Variants in CCSER1 observed in about 807,000 individuals in gnomAD.
CCSER1 encodes serine-rich coiled-coil domain-containing protein 1.
CCSER1 carries 41 observed loss-of-function variants against 82.0 expected under a neutral mutation model. The observed-to-expected ratio is 0.50, with a 90% confidence interval of 0.39 to 0.65. CCSER1 has a LOEUF of 0.65. CCSER1 is among the 30% of genes least tolerant of loss of function. The probability of loss-of-function intolerance (pLI) is 0.00; values close to 1 mark genes in which losing one functional copy is unlikely to be tolerated. For missense variants in CCSER1, 1,119 were observed against 1,064.2 expected, an observed-to-expected ratio of 1.05 and a Z score of -0.72; for synonymous variants, 414 against 383.9, an observed-to-expected ratio of 1.08 and a Z score of -0.92.
At chr4:91,502,106 G>GTGCTA (rs1427146153) in intron 10 of CCSER1, among the ~76,000 whole-genome samples, 4 of 152,200 alleles carry the variant, frequency 2.6e-5, no homozygotes, top group African/African-American at 9.7e-5. Context: ...GTATACAGGA[G>GTGCTA]TGCTAACTCC....
chr4:91,111,764 C>G (rs1163199609), intron 10 of CCSER1, among the ~76,000 whole-genome samples: 1 of 150,212 alleles, frequency 6.7e-6, no homozygotes, highest in Non-Finnish European at 1.5e-5. Context: ...CAACTGGGCT[C>G]TTTTCCCGGG....
chr4:91,432,617 T>A (rs960869000), intron 10 of CCSER1, among the ~76,000 whole-genome samples: 1 of 152,156 alleles, frequency 6.6e-6, no homozygotes, highest in African/African-American at 2.4e-5. Context: ...TATGTAGATT[T>A]ATTTGCACCT....
chr4:90,844,011 T>G (rs1762887348), intron 8 of CCSER1, among the ~76,000 whole-genome samples: 1 of 152,052 alleles, frequency 6.6e-6, no homozygotes, highest in African/African-American at 2.4e-5. Flanking sequence ...TGTCAAGCAC[T>G]CTATGACCTC....
At chr4:90,887,123 T>A (rs1722246943) in intron 8 of CCSER1, among the ~76,000 whole-genome samples, 1 of 152,182 alleles carries the variant, frequency 6.6e-6, no homozygotes, top group South Asian at 2.1e-4. Context: ...AGGTTTCTGG[T>A]TATGTGATAC....
intron 10 of CCSER1, among the ~76,000 whole-genome samples, chr4:91,200,954 G>A (rs1735859842): frequency 6.6e-6 from 1 of 151,686 alleles, no homozygotes; most frequent in African/African-American, 2.4e-5. Flanking sequence ...AAATCTCTCA[G>A]GTATTTAGAA....
chr4:90,400,219 C>T, intron 4 of CCSER1, 90 bp downstream of exon 4: 1 of 568,186 alleles, frequency 1.8e-6, no homozygotes, highest in African/African-American at 1.9e-5. Context: ...AGGCTGCCTT[C>T]TATCTTTTCA....
At chr4:91,192,405 C>A (rs1735076818) in intron 10 of CCSER1, among the ~76,000 whole-genome samples, 1 of 152,142 alleles carries the variant, frequency 6.6e-6, no homozygotes, top group Admixed American at 6.5e-5. Context: ...AAAGTCCTTG[C>A]AGGATAACTC....
chr4:90,280,445 C>T (rs1404684622), intron 1 of CCSER1, among the ~76,000 whole-genome samples: 1 of 151,570 alleles, frequency 6.6e-6, no homozygotes, highest in Non-Finnish European at 1.5e-5. Flanking sequence ...TCACTGAACC[C>T]AGAGATAAGC....
chr4:91,285,990 A>T (rs1448527730), intron 10 of CCSER1, among the ~76,000 whole-genome samples: 1 of 150,114 alleles, frequency 6.7e-6, no homozygotes, highest in African/African-American at 2.4e-5. Context: ...TTCCATTTCT[A>T]CCTACATCAC....
intron 10 of CCSER1, among the ~76,000 whole-genome samples, chr4:91,174,021 A>G (rs1036979105): frequency 6.6e-6 from 1 of 152,236 alleles, no homozygotes; most frequent in Admixed American, 6.5e-5. Flanking sequence ...AAGATAAATT[A>G]GAAGAATAAA....
chr4:90,685,998 T>C (rs1238635593), intron 6 of CCSER1, among the ~76,000 whole-genome samples: 2 of 152,132 alleles, frequency 1.3e-5, no homozygotes, highest in African/African-American at 4.8e-5. Flanking sequence ...TGAGTGGGTT[T>C]GGTGAGCTGG....
chr4:90,423,373 G>A (rs1355014734), intron 4 of CCSER1, among the ~76,000 whole-genome samples: 3 of 151,912 alleles, frequency 2.0e-5, no homozygotes, highest in African/African-American at 4.8e-5. Context: ...CTACAGGCGC[G>A]TGCCACCATG....
At chr4:90,300,487 G>A (rs753721890) in intron 1 of CCSER1, among the ~76,000 whole-genome samples, 1 of 152,062 alleles carries the variant, frequency 6.6e-6, no homozygotes, top group Non-Finnish European at 1.5e-5. Context: ...CTTAGTAAGT[G>A]GTAGTACTTG....
chr4:90,249,964 T>G (rs1025308242), intron 1 of CCSER1, among the ~76,000 whole-genome samples: 2 of 152,126 alleles, frequency 1.3e-5, no homozygotes, highest in Non-Finnish European at 1.5e-5. Context: ...TGCCTCATTG[T>G]GGGTTTGATT....
At chr4:91,054,191 G>C (rs138692852) in intron 9 of CCSER1, among the ~76,000 whole-genome samples, 3 of 152,082 alleles carry the variant, frequency 2.0e-5, no homozygotes, top group Non-Finnish European at 2.9e-5. Context: ...ACTGCCTCTG[G>C]AGCTGTCCGC....
intron 9 of CCSER1, among the ~76,000 whole-genome samples, chr4:91,033,265 A>G (rs886453564): frequency 2.0e-5 from 3 of 152,300 alleles, no homozygotes; most frequent in African/African-American, 4.8e-5. Flanking sequence ...CCCAGCGGGC[A>G]CAGTGTAATC....
At chr4:90,280,610 A>C (rs1214614234) in intron 1 of CCSER1, among the ~76,000 whole-genome samples, 1 of 151,968 alleles carries the variant, frequency 6.6e-6, no homozygotes, top group Non-Finnish European at 1.5e-5. Flanking sequence ...ATAACCAAGA[A>C]TGTGGAAAGT....
intron 1 of CCSER1, among the ~76,000 whole-genome samples, chr4:90,142,406 T>G (rs1724962138): frequency 6.6e-6 from 1 of 152,170 alleles, no homozygotes; most frequent in Admixed American, 6.5e-5. Context: ...TTAAGTACAG[T>G]CTGTTCTGCA....
At chr4:91,239,064 TC>T (rs1406002281) in intron 10 of CCSER1, among the ~76,000 whole-genome samples, 5 of 151,244 alleles carry the variant, frequency 3.3e-5, no homozygotes, top group African/African-American at 7.3e-5. Flanking sequence ...GACCACGTGA[TC>T]CCCCCCACCT....
Sources: gnomAD v4.1 joint callset for allele counts (sites outside exome capture counted in the v4.1 genomes callset) on GRCh38, gnomAD v4.1.1 for gene constraint, MANE v1.5 for transcripts, NCBI Gene and HGNC (gene_info 2026-07-23, HGNC 2026-07-21) for gene names.